NEBL: variants seen among roughly 807,000 people sequenced by gnomAD.
The protein encoded by NEBL is LIM and SH3 protein 2.
A neutral mutation model predicts 140.2 loss-of-function variants in NEBL; 122 were observed. That is an observed-to-expected ratio of 0.87 (90% CI 0.75 to 1.01). The LOEUF is 1.01. Among genes scored for constraint, NEBL ranks in the 50% least tolerant of loss-of-function variants. The pLI, the probability that NEBL is intolerant of heterozygous loss-of-function variation, is 0.00. For missense variants in NEBL, 1,365 were observed against 1,231.3 expected (o/e 1.11, Z -1.62); for synonymous variants, 436 against 398.9 (o/e 1.09, Z -1.11).
At chr10:21,024,993 T>C (rs892583455) in intron 2 of NEBL, among the ~76,000 whole-genome samples, 2 of 152,154 alleles carry the variant, frequency 1.3e-5, no homozygotes, top group African/African-American at 4.8e-5. Flanking sequence ...TGAAAGGTCT[T>C]CCTAAAAAAT....
At chr10:20,795,545 G>A (rs564754535) in intron 26 of NEBL, among the ~76,000 whole-genome samples, 13 of 147,234 alleles carry the variant, frequency 8.8e-5, no homozygotes, top group African/African-American at 3.0e-4. Flanking sequence ...TGGGGAGAGA[G>A]AGTGTGCGTG....
intron 3 of NEBL, among the ~76,000 whole-genome samples, chr10:21,001,526 T>A (rs1837899621): frequency 6.6e-6 from 1 of 152,188 alleles, no homozygotes; most frequent in South Asian, 2.1e-4. Flanking sequence ...ATGCCACTAC[T>A]GATAAAGCTC....
chr10:21,042,831 T>G (rs568382961), intron 2 of NEBL, among the ~76,000 whole-genome samples: 3 of 152,262 alleles, frequency 2.0e-5, no homozygotes, highest in African/African-American at 7.2e-5. Context: ...CACATTCATT[T>G]TGATTAACAA....
chr10:21,194,051 T>C (rs75308140), intron 3 of NEBL, among the ~76,000 whole-genome samples: 2,523 of 152,298 alleles, frequency 0.017, 30 homozygotes, highest in South Asian at 0.024. Flanking sequence ...CATAGCTTAC[T>C]GCAGTCTCGA....
At position 20,818,893 on chromosome 10, in the gene NEBL, C is replaced by A. The variant is rs1168897917; in HGVS notation, c.2055+531G>T. 4.1e-6 allele frequency: 4 copies of A among 984,066 alleles called. No homozygotes were observed. The African/African-American group carries it at 7.0e-5, about 17-fold the overall frequency. 61.0% of individuals were successfully genotyped at this position (984,066 alleles called of 1,614,324 possible). On this transcript the variant is annotated intron_variant, in intron 20 of 27. Transcript: ENST00000377122. ...AAATGCAGAGGGTGTAAAACTTTTC[C>A]TTTTTAAATTTTTAGATAGTTTTAT... is the stretch of plus-strand genomic sequence containing the variant.
upstream of NEBL, among the ~76,000 whole-genome samples, chr10:20,900,875 C>T (rs1256294466): frequency 1.5e-4 from 22 of 144,452 alleles, no homozygotes; most frequent in African/African-American, 5.2e-4. Flanking sequence ...AAAAATTAGC[C>T]GGGCATGGTG....
At chr10:21,245,150 C>G (rs933229866) in intron 3 of NEBL, among the ~76,000 whole-genome samples, 1 of 152,020 alleles carries the variant, frequency 6.6e-6, no homozygotes, top group Non-Finnish European at 1.5e-5. Flanking sequence ...GGCAACGGAG[C>G]AAGACTCTTT....
At chr10:21,282,526 A>C (rs1337731561) in intron 1 of NEBL, among the ~76,000 whole-genome samples, 3 of 152,120 alleles carry the variant, frequency 2.0e-5, no homozygotes, top group African/African-American at 7.2e-5. Flanking sequence ...GAAAAAAAAG[A>C]AGAAGAAGCA....
intron 16 of NEBL, 131 bp from the exon 17 acceptor site, chr10:20,828,765 CAGAGAG>C: frequency 5.0e-6 from 3 of 598,108 alleles, no homozygotes; most frequent in Admixed American, 2.4e-5. Context: ...CTTACACTCC[CAGAGAG>C]AGAGAGAGAG....
intron 2 of NEBL, chr10:21,171,999 T>C (rs1050940856): frequency 7.5e-6 from 2 of 266,290 alleles, no homozygotes; most frequent in Non-Finnish European, 1.5e-5. Context: ...AGGTATGAAA[T>C]TGCAGTATGG....
At chr10:21,186,445 C>T (rs1005901561) in intron 3 of NEBL, among the ~76,000 whole-genome samples, 3 of 151,946 alleles carry the variant, frequency 2.0e-5, no homozygotes, top group Non-Finnish European at 4.4e-5. Flanking sequence ...AGGATTTGTT[C>T]CAGGACTCCC....
rs1835181754 is a variant in NEBL at position 20,783,776 on chromosome 10, C to T, written c.*1971G>A. 1 of 152,464 alleles carries T rather than the reference C, an allele frequency of 6.6e-6. No homozygotes were observed. The highest frequency in any genetic ancestry group is 1.5e-5 in the Non-Finnish European group (1 of 68,014). The allele number at this position is 152,464 out of a possible 1,614,324, so 9.4% of individuals were successfully genotyped here. A position where few individuals can be genotyped will look rare whatever the true frequency, so the allele number is the denominator to read the frequency against. ...TTTTTTTGCAAAAATATTGCAAGTTCAGTTTATTTTTGTAGGTTTGTGTAC... is the reference window on the plus strand; with the variant it reads ...TTTTTTTGCAAAAATATTGCAAGTTTAGTTTATTTTTGTAGGTTTGTGTAC... On this transcript the variant is annotated 3_prime_UTR_variant, in exon 28 of 28. Transcript: ENST00000377122.
chr10:20,991,239 A>G (rs968005552), intron 3 of NEBL, among the ~76,000 whole-genome samples: 1 of 152,104 alleles, frequency 6.6e-6, no homozygotes, highest in Non-Finnish European at 1.5e-5. Flanking sequence ...GATTTTTTAC[A>G]GTACATTTAT....
chr10:20,834,666 C>A (rs2130929134), intron 14 of NEBL, among the ~76,000 whole-genome samples: 1 of 152,318 alleles, frequency 6.6e-6, no homozygotes, highest in Admixed American at 6.5e-5. Flanking sequence ...AAGCCCCCAC[C>A]TAACCAACCT....
intron 4 of NEBL, among the ~76,000 whole-genome samples, chr10:20,948,936 C>G (rs1835307686): frequency 1.3e-5 from 2 of 152,178 alleles, no homozygotes; most frequent in Admixed American, 6.5e-5. Flanking sequence ...CTTTTCCTTT[C>G]ACTAGCTCTG....
At chr10:20,807,748 G>A (rs140305246) in intron 26 of NEBL, among the ~76,000 whole-genome samples, 100 of 152,214 alleles carry the variant, frequency 6.6e-4, no homozygotes, top group Middle Eastern at 3.4e-3. Context: ...ATATGCTTCA[G>A]TCCTTTCCCC....
chr10:20,822,976 C>T (rs1247223927), intron 19 of NEBL, among the ~76,000 whole-genome samples: 2 of 152,116 alleles, frequency 1.3e-5, no homozygotes, highest in Non-Finnish European at 2.9e-5. Context: ...TATGATTCCA[C>T]TCTGTATGTC....
intron 27 of NEBL, 81 bp from the exon 28 acceptor site, chr10:20,786,004 A>G: frequency 7.7e-7 from 1 of 1,293,170 alleles, no homozygotes; most frequent in Non-Finnish European, 1.1e-6. Context: ...ACCGACCCAC[A>G]CATAAAGTAA....
intron 3 of NEBL, among the ~76,000 whole-genome samples, chr10:21,185,969 A>G (rs1308865801): frequency 6.6e-6 from 1 of 152,156 alleles, no homozygotes; most frequent in Non-Finnish European, 1.5e-5. Flanking sequence ...CTTGAATTCC[A>G]GAGAAGCTCA....
Sources: gnomAD v4.1 joint callset for allele counts (sites outside exome capture counted in the v4.1 genomes callset) on GRCh38, gnomAD v4.1.1 for gene constraint, MANE v1.5 for transcripts, NCBI Gene and HGNC (gene_info 2026-07-23, HGNC 2026-07-21) for gene names.